CA2: variants seen among roughly 807,000 people sequenced by gnomAD.
CA2 encodes the protein carbonate dehydratase II.
A neutral mutation model predicts 27.8 loss-of-function variants in CA2; 23 were observed. The observed-to-expected ratio is 0.83, with a 90% CI of 0.59 to 1.17. The LOEUF (loss-of-function observed/expected upper bound fraction) is 1.17, where lower values mean the gene tolerates loss of function less well. Among genes scored for constraint, CA2 ranks in the 50% most tolerant of loss-of-function variants. CA2 has a pLI of 0.00. For synonymous variants in CA2, 99 were observed against 114.9 expected (o/e 0.86, Z 0.88); for missense variants, 300 against 314.7 (o/e 0.95, Z 0.35).
chr8:85,468,972 C>T (rs1324803457), intron 2 of CA2, among the ~76,000 whole-genome samples: 2 of 152,166 alleles, frequency 1.3e-5, no homozygotes, highest in Non-Finnish European at 2.9e-5. Context: ...TAAGTCGTCT[C>T]CTTGCTAGTT....
rs751249836 is a variant in CA2, at chr8:85,477,294, G to C, written c.663+19G>C. ...CGAGCAGGTTTGTTTTGTAATGACA[G>C]GTCTGTTTACGGGTGGAGCATTTAG... On this transcript the variant is annotated intron_variant, in intron 6 of 6. Transcript: ENST00000285379. 1.9e-6 allele frequency: 3 copies of C among 1,613,960 alleles called. No individual in the cohort carries two copies. Among genetic ancestry groups the C allele is most frequent in the African/African-American group, 1.3e-5 (1 of 75,026 alleles).
chr8:85,473,770 G>A lies in CA2; in HGVS notation c.310G>A (p.Gly104Ser). ...TCACTGGGGTTCACTTGATGGACAA[G>A]GTTCAGAGCATACTGTGGATAAAAA... is the stretch of plus-strand genomic sequence containing the variant. Reference protein sequence around the residue: ...HFHWGSLDGQGSEHTVDKKKY... With the variant: ...HFHWGSLDGQSSEHTVDKKKY... The change falls in exon 3 of 7, where the codon GGT (glycine) becomes AGT (serine). Residue 104 changes from glycine (G) to serine (S), a missense_variant. Around this residue, in one of 3 missense-constraint regions of CA2, gnomAD observed 122 missense variants for 133.2 expected, o/e 0.92. Coordinates refer to ENST00000285379, the MANE Select transcript of CA2 (RefSeq NM_000067.3). 6.2e-7 allele frequency: 1 copy of A among 1,610,268 alleles called. No individual in the cohort carries two copies. The highest frequency in any genetic ancestry group is 1.7e-4 in the Middle Eastern group (1 of 6,050).
At chr8:85,473,989 A>G (rs1811749287) in intron 3 of CA2, 178 bp downstream of exon 3, 1 of 624,872 alleles carries the variant, frequency 1.6e-6, no homozygotes, top group Non-Finnish European at 2.8e-6. Flanking sequence ...TTAACGCTGC[A>G]AAACTTTCTC....
Position 85,475,801 on chromosome 8 carries a change from G to A in CA2, c.448G>A (p.Gly150Ser). 2 of 1,613,816 alleles carry A rather than the reference G, an allele frequency of 1.2e-6. No individual in the cohort carries two copies. ...LAVLGIFLKV[G>S]SAKPGLQKVV... ...TGCCCTTTATGTTTTTCTTTAGGTT[G>A]GCAGCGCTAAACCGGGCCTTCAGAA... Residue 150 changes from glycine to serine, a missense_variant, in exon 5 of 7, where the codon GGC becomes AGC. Gly to Ser is a moderately conservative substitution (Grantham distance 56). Around this residue, in one of 3 missense-constraint regions of CA2, gnomAD observed 173 missense variants for 161.0 expected, o/e 1.07. Coordinates refer to ENST00000285379, the MANE Select transcript of CA2 (RefSeq NM_000067.3).
intron 2 of CA2, among the ~76,000 whole-genome samples, chr8:85,468,782 CCA>C (rs112532869): frequency 6.0e-5 from 9 of 149,714 alleles, no homozygotes; most frequent in Non-Finnish European, 7.4e-5. Context: ...AAACAAAAAA[CCA>C]CACACACACA....
intron 2 of CA2, among the ~76,000 whole-genome samples, chr8:85,469,653 CTTA>C (rs929716774): frequency 7.9e-5 from 12 of 152,134 alleles, no homozygotes; most frequent in Admixed American, 7.9e-4. Context: ...CTCCTGCTAA[CTTA>C]TTAACTTTTA....
chr8:85,480,965 T>A lies in CA2; in HGVS notation c.*176T>A. On this transcript the variant is annotated 3_prime_UTR_variant, in exon 7 of 7. Coordinates refer to ENST00000285379, the MANE Select transcript of CA2 (RefSeq NM_000067.3). ...GTGAAGACTAGACCAATTGTCATGC[T>A]TGACACAACTGCTGTGGCTGGTTGG... The A allele has an allele frequency of 1.5e-6, 1 of 652,188 alleles. No individual in the cohort carries two copies. Among genetic ancestry groups the A allele is most frequent in the Non-Finnish European group, 2.7e-6 (1 of 370,592 alleles). 40.4% of individuals were successfully genotyped at this position (652,188 alleles called of 1,614,324 possible).
rs372242498 is a variant in CA2 at position 85,480,819 on chromosome 8, G to A, written c.*30G>A. On this transcript the variant is annotated 3_prime_UTR_variant, in exon 7 of 7. Coordinates refer to ENST00000285379, the MANE Select transcript of CA2 (RefSeq NM_000067.3). ...GTCCCATAGTCTGTATCCAAATAATGAATCTTCGGGTGTTTCCCTTTAGCT... is the reference window on the plus strand; with the variant it reads ...GTCCCATAGTCTGTATCCAAATAATAAATCTTCGGGTGTTTCCCTTTAGCT... 3 of 1,611,808 alleles carry A rather than the reference G, an allele frequency of 1.9e-6. No homozygotes were observed. Among genetic ancestry groups the A allele is most frequent in the Non-Finnish European group, 2.5e-6 (3 of 1,178,352 alleles).
At chr8:85,467,111 CTT>C (rs1419503406) in intron 2 of CA2, among the ~76,000 whole-genome samples, 1 of 152,108 alleles carries the variant, frequency 6.6e-6, no homozygotes, top group African/African-American at 2.4e-5. Context: ...TAGTTTAAGT[CTT>C]TTTTGGAGCA....
chr8:85,468,708 C>T (rs1054063143), intron 2 of CA2, among the ~76,000 whole-genome samples: 7 of 151,982 alleles, frequency 4.6e-5, no homozygotes, highest in African/African-American at 1.7e-4. Context: ...CGCAGTGAGC[C>T]GAGACCGCAC....
chr8:85,473,983 C>T (rs564853378), intron 3 of CA2, 172 bp downstream of exon 3: 7 of 627,752 alleles, frequency 1.1e-5, no homozygotes, highest in African/African-American at 5.5e-5. Flanking sequence ...TCATACTTAA[C>T]GCTGCAAAAC....
rs1811812490 is a variant in CA2 at position 85,477,110 on chromosome 8, CTTG to C, written c.508-7_508-5del. 1 of 1,613,786 alleles carries C rather than the reference CTTG, an allele frequency of 6.2e-7. No individual in the cohort carries two copies. The highest frequency in any genetic ancestry group is 1.3e-5 in the African/African-American group (1 of 74,862). On this transcript the variant is annotated splice_polypyrimidine_tract_variant and splice_region_variant and intron_variant, in intron 5 of 6. Coordinates refer to ENST00000285379, the MANE Select transcript of CA2 (RefSeq NM_000067.3). ...TGATAGTTTGAAGCTGCGTATTTGCCTTGTTCTAGGGCAAGAGTGCTGACTTCA... is the reference window on the plus strand; with the variant it reads ...TGATAGTTTGAAGCTGCGTATTTGCCTTCTAGGGCAAGAGTGCTGACTTCA...
intron 6 of CA2, among the ~76,000 whole-genome samples, chr8:85,480,171 A>G (rs963005230): frequency 8.5e-5 from 13 of 152,172 alleles, no homozygotes; most frequent in Non-Finnish European, 1.6e-4. Context: ...TACATAATCT[A>G]TATGTGATTA....
chr8:85,476,178 A>G (rs1563435178), intron 5 of CA2, among the ~76,000 whole-genome samples: 1 of 152,194 alleles, frequency 6.6e-6, no homozygotes, highest in African/African-American at 2.4e-5. Flanking sequence ...TCACTCATTC[A>G]TACAGCAGAT....
chr8:85,476,727 A>G (rs1811805205), intron 5 of CA2, among the ~76,000 whole-genome samples: 1 of 152,154 alleles, frequency 6.6e-6, no homozygotes, highest in South Asian at 2.1e-4. Context: ...TAGAGCAAGA[A>G]AATCACCTCC....
At chr8:85,475,371 TAAAAAAAAAA>T (rs3070396) in intron 4 of CA2, among the ~76,000 whole-genome samples, 1 of 41,362 alleles carries the variant, frequency 2.4e-5, no homozygotes, top group Non-Finnish European at 3.8e-5. Flanking sequence ...ACTCTGACTC[TAAAAAAAAAA>T]AAAAAAAAAA....
chr8:85,472,141 T>C (rs1458701153), intron 2 of CA2, among the ~76,000 whole-genome samples: 1 of 152,214 alleles, frequency 6.6e-6, no homozygotes, highest in African/African-American at 2.4e-5. Flanking sequence ...CATGTAAGGA[T>C]ATTTAGGTGA....
chr8:85,464,409 G>A (rs994301808), intron 1 of CA2: 7 of 402,808 alleles, frequency 1.7e-5, no homozygotes, highest in Non-Finnish European at 2.6e-5. Context: ...CGCGGGACCC[G>A]AGGACAGTCC....
At chr8:85,475,948 GT>G in intron 5 of CA2, 88 bp downstream of exon 5, 1 of 989,190 alleles carries the variant, frequency 1.0e-6, no homozygotes, top group Non-Finnish European at 1.6e-6. Flanking sequence ...AAATTGCACA[GT>G]CTCAATGACA....
Sources: allele counts gnomAD v4.1 joint callset (sites outside exome capture counted in the v4.1 genomes callset), GRCh38; gene constraint gnomAD v4.1.1; regional missense constraint gnomAD v4.1.1; transcripts MANE v1.5; gene names NCBI Gene and HGNC (gene_info 2026-07-23, HGNC 2026-07-21).